FRMD5: variants seen among roughly 807,000 people sequenced by gnomAD.
FRMD5 encodes FERM domain containing 5.
FRMD5 carries 20 observed loss-of-function variants against 69.0 expected under a neutral mutation model. The ratio of observed to expected loss-of-function variants is 0.29; its 90% CI spans 0.20 to 0.42. The LOEUF is 0.42. FRMD5 is among the 10% of genes least tolerant of loss of function. The pLI, the probability that FRMD5 is intolerant of heterozygous loss-of-function variation, is 1.00. For synonymous variants in FRMD5, 271 were observed against 260.1 expected, an observed-to-expected ratio of 1.04 and a Z score of -0.40; for missense variants, 595 against 708.6, an observed-to-expected ratio of 0.84 and a Z score of 1.82.
chr15:43,901,259 G>T (rs1385048006), intron 7 of FRMD5, among the ~76,000 whole-genome samples: 1 of 152,190 alleles, frequency 6.6e-6, no homozygotes, highest in Non-Finnish European at 1.5e-5. Context: ...CCAGAACTGT[G>T]AGACAATAGA....
chr15:43,888,860 G>C lies in FRMD5; in HGVS notation c.741C>G (p.Thr247=). Residue 247 remains threonine, a synonymous_variant, in exon 9 of 14, where the codon ACC becomes ACG. Transcript: ENST00000417257. The part of the protein sequence containing the change: ...RVHFIKWNEV[T]KLKFEGKTFY... ...AAGTCTTTCCTTCAAATTTCAGCTT[G>C]GTCACCTCATTCCTAGAAGCACAAA... 1 of 1,613,816 alleles carries C rather than the reference G, an allele frequency of 6.2e-7. No homozygotes were observed. Among genetic ancestry groups the C allele is most frequent in the Non-Finnish European group, 8.5e-7 (1 of 1,179,782 alleles).
At chr15:43,882,475 C>T (rs960390908) in intron 13 of FRMD5, among the ~76,000 whole-genome samples, 16 of 152,122 alleles carry the variant, frequency 1.1e-4, no homozygotes, top group Non-Finnish European at 2.1e-4. Context: ...CCTCTTGCCT[C>T]AACCCCCCAA....
At chr15:44,185,791 C>T (rs2073289931) in intron 1 of FRMD5, among the ~76,000 whole-genome samples, 1 of 144,222 alleles carries the variant, frequency 6.9e-6, no homozygotes, top group African/African-American at 2.8e-5. Context: ...AGACTCTTAT[C>T]TTAAAAAAAA....
chr15:43,890,055 CT>C (rs2093626739), intron 8 of FRMD5, among the ~76,000 whole-genome samples: 2 of 152,156 alleles, frequency 1.3e-5, no homozygotes, highest in African/African-American at 4.8e-5. Flanking sequence ...GATTTCACAA[CT>C]TCTGACCACC....
At chr15:44,085,618 G>T (rs1566938211) in intron 1 of FRMD5, among the ~76,000 whole-genome samples, 1 of 152,056 alleles carries the variant, frequency 6.6e-6, no homozygotes, top group African/African-American at 2.4e-5. Flanking sequence ...AACCAAGTCT[G>T]GGCATTATCT....
intron 1 of FRMD5, among the ~76,000 whole-genome samples, chr15:44,010,236 T>C (rs1303526073): frequency 6.6e-6 from 1 of 152,162 alleles, no homozygotes; most frequent in East Asian, 1.9e-4. Context: ...GAAAGCAAGT[T>C]GCCTTCTGTC....
upstream of FRMD5, among the ~76,000 whole-genome samples, chr15:44,198,258 G>A (rs1195604143): frequency 6.6e-6 from 1 of 150,792 alleles, no homozygotes; most frequent in Non-Finnish European, 1.5e-5. Context: ...TAGGGGGAGG[G>A]GAAGGTTGCT....
chr15:43,994,429 T>C (rs1889828078), intron 1 of FRMD5, among the ~76,000 whole-genome samples: 1 of 152,188 alleles, frequency 6.6e-6, no homozygotes, highest in Admixed American at 6.5e-5. Flanking sequence ...CATTAATCAA[T>C]TATTATAGCT....
intron 1 of FRMD5, among the ~76,000 whole-genome samples, chr15:44,104,384 T>C (rs897974482): frequency 6.6e-6 from 1 of 152,196 alleles, no homozygotes; most frequent in Non-Finnish European, 1.5e-5. Context: ...ATAAATTTAG[T>C]GTAGCTTAAG....
intron 1 of FRMD5, among the ~76,000 whole-genome samples, chr15:44,005,454 A>G (rs1249424694): frequency 4.0e-5 from 6 of 148,982 alleles, no homozygotes; most frequent in African/African-American, 1.5e-4. Context: ...CTGGGCAAAA[A>G]GAGTGAAACT....
At chr15:44,002,963 C>G (rs868245482) in intron 1 of FRMD5, among the ~76,000 whole-genome samples, 1 of 152,078 alleles carries the variant, frequency 6.6e-6, no homozygotes, top group Non-Finnish European at 1.5e-5. Flanking sequence ...CTTATGTGCT[C>G]AGTCCCAGGA....
intron 1 of FRMD5, among the ~76,000 whole-genome samples, chr15:43,970,764 T>C (rs1057150440): frequency 7.2e-5 from 11 of 152,222 alleles, no homozygotes; most frequent in African/African-American, 2.7e-4. Flanking sequence ...ACCCCATCTA[T>C]TTCTGAAGTT....
chr15:43,948,192 C>T (rs1248418168), intron 1 of FRMD5, among the ~76,000 whole-genome samples: 8 of 152,188 alleles, frequency 5.3e-5, no homozygotes, highest in Non-Finnish European at 8.8e-5. Flanking sequence ...AATTATAGAA[C>T]CTGAATATAT....
chr15:44,116,761 C>T (rs575643975), intron 1 of FRMD5, among the ~76,000 whole-genome samples: 2 of 152,202 alleles, frequency 1.3e-5, no homozygotes, highest in South Asian at 4.2e-4. Context: ...AAAGAAACTT[C>T]ATGTAACCTT....
chr15:44,015,780 C>T (rs1036310873), intron 1 of FRMD5, among the ~76,000 whole-genome samples: 2 of 152,194 alleles, frequency 1.3e-5, no homozygotes, highest in African/African-American at 4.8e-5. Flanking sequence ...TTACGTCATA[C>T]TGAAGGACTA....
rs776560804 is a variant in FRMD5 at position 43,905,820 on chromosome 15, C to T, written c.551+8G>A. ...ACAATGTTCTGGGCCTGATTAAGTG[C>T]CACGTACCTCAGTTCCGTCTTGTGA... On this transcript the variant is annotated splice_region_variant and intron_variant, in intron 6 of 13. Coordinates refer to ENST00000417257, the MANE Select transcript of FRMD5 (RefSeq NM_032892.5). 6 of 1,613,852 alleles carry T rather than the reference C, an allele frequency of 3.7e-6. No individual in the cohort carries two copies. The South Asian group carries it at 6.6e-5, about 18-fold the overall frequency.
chr15:44,012,761 GTTTT>G (rs35690752), intron 1 of FRMD5, among the ~76,000 whole-genome samples: 2 of 120,842 alleles, frequency 1.7e-5, no homozygotes, highest in African/African-American at 3.1e-5. Context: ...AAGTTATTGG[GTTTT>G]TTTTTTTTTT....
At chr15:44,044,623 T>C (rs1165524979) in intron 1 of FRMD5, among the ~76,000 whole-genome samples, 2 of 152,122 alleles carry the variant, frequency 1.3e-5, no homozygotes, top group Non-Finnish European at 2.9e-5. Flanking sequence ...GGGACATGGA[T>C]GAAGCTGGAA....
At chr15:44,174,261 G>C (rs951008390) in intron 1 of FRMD5, among the ~76,000 whole-genome samples, 2 of 151,612 alleles carry the variant, frequency 1.3e-5, no homozygotes, top group Admixed American at 1.3e-4. Flanking sequence ...AAAGATTTCA[G>C]AACTGAATTT....
Sources: gnomAD v4.1 joint callset for allele counts (sites outside exome capture counted in the v4.1 genomes callset) on GRCh38, gnomAD v4.1.1 for gene constraint, MANE v1.5 for transcripts, NCBI Gene and HGNC (gene_info 2026-07-23, HGNC 2026-07-21) for gene names.